The following CLASP2 variants were observed in gnomAD, a reference collection of about 807,000 sequenced individuals.
CLASP2 encodes the protein CLIP-associating protein 2.
A neutral mutation model predicts 194.4 loss-of-function variants in CLASP2; 47 were observed. The ratio of observed to expected loss-of-function variants is 0.24; its 90% CI spans 0.19 to 0.31. CLASP2 has a LOEUF of 0.31. Among genes scored for constraint, CLASP2 ranks in the 10% least tolerant of loss-of-function variants. The pLI is 1.00. For synonymous variants in CLASP2, 619 were observed against 633.5 expected (o/e 0.98, Z 0.34); for missense variants, 1,445 against 1,823.6 (o/e 0.79, Z 3.78).
intron 33 of CLASP2, among the ~76,000 whole-genome samples, chr3:33,536,014 A>C (rs1219827629): frequency 6.6e-6 from 1 of 152,174 alleles, no homozygotes; most frequent in Non-Finnish European, 1.5e-5. Flanking sequence ...AAATATGAAT[A>C]TGAATATTGA....
At chr3:33,600,856 G>A (rs1473058687) in intron 18 of CLASP2, among the ~76,000 whole-genome samples, 4 of 151,640 alleles carry the variant, frequency 2.6e-5, no homozygotes, top group African/African-American at 7.3e-5. Context: ...AATTACTGGG[G>A]CAAACATTCT....
At chr3:33,526,650 T>G (rs1215491358) in intron 34 of CLASP2, among the ~76,000 whole-genome samples, 5 of 152,082 alleles carry the variant, frequency 3.3e-5, no homozygotes, top group African/African-American at 1.2e-4. Context: ...TTTATAGAAC[T>G]CTCCACCCCA....
At chr3:33,544,890 C>G (rs1302040926) in intron 30 of CLASP2, 49 bp from the exon 31 acceptor site, 2 of 1,420,058 alleles carry the variant, frequency 1.4e-6, no homozygotes, top group Non-Finnish European at 1.9e-6. Context: ...GTTACTCAAA[C>G]AAGACCGTTT....
intron 6 of CLASP2, among the ~76,000 whole-genome samples, chr3:33,666,587 G>GT (rs772583116): frequency 1.3e-5 from 2 of 152,072 alleles, no homozygotes; most frequent in African/African-American, 2.4e-5. Flanking sequence ...ACCACATTTT[G>GT]TTTATCTATT....
chr3:33,616,806 C>T (rs375453633), intron 12 of CLASP2, among the ~76,000 whole-genome samples: 1 of 139,744 alleles, frequency 7.2e-6, no homozygotes, highest in Non-Finnish European at 1.5e-5. Flanking sequence ...GGCGTAATCT[C>T]GGCTCACTGC....
rs1194047734 is a variant in CLASP2 at position 33,497,359 on chromosome 3, T to G, written c.*1272A>C. The G allele has an allele frequency of 2.6e-5, 4 of 152,642 alleles. No individual in the cohort carries two copies. The highest frequency in any genetic ancestry group is 5.9e-5 in the Non-Finnish European group (4 of 68,032). The allele number at this position is 152,642 out of a possible 1,614,324, so 9.5% of individuals were successfully genotyped here. A position where few individuals can be genotyped will look rare whatever the true frequency, so the allele number is the denominator to read the frequency against. The stretch of plus-strand genomic sequence containing the variant: ...TAAAGATGAGAAATCATTAGTATCC[T>G]GGTTCCAAATTATCTAATTTAGCCT... On this transcript the variant is annotated 3_prime_UTR_variant, in exon 39 of 39. Coordinates refer to ENST00000682230, the MANE Select transcript of CLASP2 (RefSeq NM_001365631.1).
rs890940948 is a variant in CLASP2, at chr3:33,603,064, G to A, written c.1812C>T (p.Asp604=). 9 of 1,599,468 alleles carry A rather than the reference G, an allele frequency of 5.6e-6. No individual in the cohort carries two copies. Among genetic ancestry groups the A allele is most frequent in the Non-Finnish European group, 7.7e-6 (9 of 1,172,570 alleles). The change falls in exon 18 of 39, where the codon GAC becomes GAT. Residue 604 remains aspartate, a synonymous_variant. Transcript: ENST00000682230. ...LPGSLQRSRS[D]IDVNAAAGAK... Reference sequence around the variant, plus strand: ...CACCTGCAGCAGCATTCACATCAATGTCACTTCGTGAACGCTGCAGGCTTC... The same window carrying A: ...CACCTGCAGCAGCATTCACATCAATATCACTTCGTGAACGCTGCAGGCTTC...
intron 27 of CLASP2, among the ~76,000 whole-genome samples, chr3:33,564,618 T>G (rs2062356973): frequency 6.6e-6 from 1 of 152,094 alleles, no homozygotes. Flanking sequence ...TGAGACAGAG[T>G]CTCACTCTGT....
At chr3:33,522,079 C>T (rs904774581) in intron 34 of CLASP2, among the ~76,000 whole-genome samples, 7 of 152,060 alleles carry the variant, frequency 4.6e-5, no homozygotes, top group African/African-American at 1.7e-4. Context: ...CTTCTGATAA[C>T]AGAGGTACAG....
chr3:33,614,861 G>C (rs769772419), intron 12 of CLASP2, among the ~76,000 whole-genome samples: 2 of 152,062 alleles, frequency 1.3e-5, no homozygotes, highest in Admixed American at 6.6e-5. Context: ...CGTGGTGGCA[G>C]GTGCCTGAAA....
chr3:33,689,634 C>A, intron 3 of CLASP2, 195 bp downstream of exon 3: 1 of 422,128 alleles, frequency 2.4e-6, no homozygotes, highest in South Asian at 5.8e-5. Flanking sequence ...AAAAAAAAAG[C>A]ATTAAGAGTA....
intron 1 of CLASP2, among the ~76,000 whole-genome samples, chr3:33,698,889 G>A (rs967695524): frequency 2.0e-5 from 3 of 152,114 alleles, no homozygotes. Flanking sequence ...ATAAAGCATG[G>A]AACAAAATAC....
chr3:33,549,500 T>C (rs1345140924), intron 30 of CLASP2, among the ~76,000 whole-genome samples: 1 of 152,204 alleles, frequency 6.6e-6, no homozygotes, highest in Non-Finnish European at 1.5e-5. Flanking sequence ...CCACTGACTA[T>C]TTAAGAGTGA....
intron 1 of CLASP2, among the ~76,000 whole-genome samples, chr3:33,716,216 T>G (rs1052984491): frequency 6.6e-6 from 1 of 152,166 alleles, no homozygotes; most frequent in African/African-American, 2.4e-5. Flanking sequence ...CTGCTGAAAT[T>G]GTCTTGGGCT....
At chr3:33,580,462 C>T (rs1171570953) in intron 23 of CLASP2, among the ~76,000 whole-genome samples, 1 of 152,042 alleles carries the variant, frequency 6.6e-6, no homozygotes, top group African/African-American at 2.4e-5. Context: ...ACTCAGGAGG[C>T]TGAGGCAGGA....
chr3:33,574,365 G>A (rs1478408097), intron 24 of CLASP2: 2 of 670,550 alleles, frequency 3.0e-6, no homozygotes, highest in Non-Finnish European at 4.9e-6. Context: ...TATGTCTAAG[G>A]ATTTTACTTC....
At chr3:33,531,719 G>A (rs554593933) in intron 34 of CLASP2, among the ~76,000 whole-genome samples, 60 of 152,308 alleles carry the variant, frequency 3.9e-4, no homozygotes, top group South Asian at 6.2e-4. Context: ...AGGTTGCAGT[G>A]AGCCAAGATC....
chr3:33,550,392 CAAAAAAAAA>C (rs555351261), intron 30 of CLASP2, among the ~76,000 whole-genome samples: 1,006 of 51,696 alleles, frequency 0.019, 24 homozygotes, highest in African/African-American at 0.06. Flanking sequence ...GAGACTGCCT[CAAAAAAAAA>C]AAAAAAAAAA....
At chr3:33,619,040 A>G (rs1377264214) in intron 12 of CLASP2, among the ~76,000 whole-genome samples, 1 of 152,208 alleles carries the variant, frequency 6.6e-6, no homozygotes, top group Non-Finnish European at 1.5e-5. Flanking sequence ...CTAGGCTACG[A>G]ACCTGTAGCT....
Sources: allele counts gnomAD v4.1 joint callset (sites outside exome capture counted in the v4.1 genomes callset), GRCh38; gene constraint gnomAD v4.1.1; transcripts MANE v1.5; gene names NCBI Gene and HGNC (gene_info 2026-07-23, HGNC 2026-07-21).